PNLDC1: variants seen among roughly 807,000 people sequenced by gnomAD.
PNLDC1 encodes poly(A)-specific ribonuclease PNLDC1.
PNLDC1 carries 70 observed loss-of-function variants against 82.0 expected under a neutral mutation model. The ratio of observed to expected loss-of-function variants is 0.85; its 90% CI spans 0.70 to 1.04. The LOEUF is 1.04. Ranked by LOEUF, PNLDC1 falls within the 50% of genes least tolerant of loss-of-function variation. The probability of loss-of-function intolerance (pLI) is 0.00; values close to 1 mark genes in which losing one functional copy is unlikely to be tolerated. For missense variants in PNLDC1, 631 were observed against 661.1 expected (o/e 0.95, Z 0.50); for synonymous variants, 280 against 249.3 (o/e 1.12, Z -1.16).
chr6:159,813,618 G>C lies in PNLDC1; in HGVS notation c.957G>C (p.Arg319Ser). The change falls in exon 12 of 19, where the codon AGG (arginine) becomes AGC (serine). Residue 319 changes from arginine to serine, a missense_variant. Transcript: ENST00000392167. Reference sequence around the variant, plus strand: ...GATTGTAGGAGATGAATTTCCCGAGGGTGTCGAATCTTTCGGAAGTCTATG... The same window carrying C: ...GATTGTAGGAGATGAATTTCCCGAGCGTGTCGAATCTTTCGGAAGTCTATG... ...KDIWKEMNFP[R>S]VSNLSEVYEV... 1 of 1,613,484 alleles carries C rather than the reference G, an allele frequency of 6.2e-7. No homozygotes were observed. Among genetic ancestry groups the C allele is most frequent in the South Asian group, 1.1e-5 (1 of 91,056 alleles).
At chr6:159,802,734 C>T (rs1781307390) in intron 3 of PNLDC1, among the ~76,000 whole-genome samples, 2 of 152,082 alleles carry the variant, frequency 1.3e-5, no homozygotes, top group South Asian at 4.1e-4. Flanking sequence ...AGGTGCGCGC[C>T]ACCACACCTA....
At position 159,800,954 on chromosome 6, in the gene PNLDC1, A is replaced by T. The variant is rs1339037672; in HGVS notation, c.134+125A>T. Reference sequence around the variant, plus strand: ...GTGGCTTGCTCCTACGTGTTGGAGGACCTTGCTTTTTTCTGTCCACTAAAT... The same window carrying T: ...GTGGCTTGCTCCTACGTGTTGGAGGTCCTTGCTTTTTTCTGTCCACTAAAT... On this transcript the variant is annotated intron_variant, in intron 2 of 18. Coordinates refer to ENST00000392167, the MANE Select transcript of PNLDC1 (RefSeq NM_001271862.2). 2.7e-6 allele frequency: 4 copies of T among 1,457,628 alleles called. No homozygotes were observed. In the African/African-American group the frequency reaches 6.1e-5, roughly 22 times the overall value. 90.3% of individuals were successfully genotyped at this position (1,457,628 alleles called of 1,614,324 possible).
Position 159,803,741 on chromosome 6 carries a change from G to T in PNLDC1, c.249-224G>T, listed in dbSNP as rs937888977. ...CTAACCTGGCATCCCTGGGCAGCTT[G>T]TGGAGGGGCTGTCTCTGTGGTATAC... is the stretch of plus-strand genomic sequence containing the variant. On this transcript the variant is annotated intron_variant, in intron 4 of 18. Transcript: ENST00000392167. Among the ~76,000 whole-genome samples the T allele has an allele frequency of 2.6e-5, 4 of 152,154 alleles. No individual in the cohort carries two copies. In the South Asian group the frequency reaches 8.3e-4, roughly 32 times the overall value.
chr6:159,818,530 G>A, intron 15 of PNLDC1, 25 bp from the exon 16 acceptor site: 1 of 1,604,724 alleles, frequency 6.2e-7, no homozygotes, highest in Non-Finnish European at 8.5e-7. Context: ...GCGCCCGACA[G>A]CTTTGGGGTT....
intron 10 of PNLDC1, among the ~76,000 whole-genome samples, chr6:159,810,645 T>C (rs544590355): frequency 6.6e-6 from 1 of 152,302 alleles, no homozygotes; most frequent in South Asian, 2.1e-4. Context: ...GCCTTGGTGA[T>C]CTCATCCATC....
In PNLDC1 at chr6:159,820,464, A is replaced by G. The variant is rs769247841; in HGVS notation, c.1543A>G (p.Ile515Val). Reference protein sequence around the residue: ...NVNCLLQVCGIVTAWALLAFI... With the variant: ...NVNCLLQVCGVVTAWALLAFI... ...GTCATTGTCTTGCAGAGTCTGTGGCATAGTGACTGCCTGGGCCCTTCTCGC... is the reference window on the plus strand; with the variant it reads ...GTCATTGTCTTGCAGAGTCTGTGGCGTAGTGACTGCCTGGGCCCTTCTCGC... The change falls in exon 19 of 19, where the codon ATA (isoleucine) becomes GTA (valine). Residue 515 changes from isoleucine to valine, a missense_variant. By Grantham distance (29) the Ile-to-Val change is conservative. Coordinates refer to ENST00000392167, the MANE Select transcript of PNLDC1 (RefSeq NM_001271862.2). 4.3e-6 allele frequency: 7 copies of G among 1,614,058 alleles called. No individual in the cohort carries two copies. The African/African-American group carries it at 6.7e-5, about 15-fold the overall frequency.
rs758891312 is a variant in PNLDC1 at position 159,810,017 on chromosome 6, T to TC, written c.784-7dup. On this transcript the variant is annotated splice_polypyrimidine_tract_variant and intron_variant, in intron 9 of 18. Transcript: ENST00000392167. Reference sequence around the variant, plus strand: ...TATTTTCTCTCACCTGTTGATTTACTCCAAGTAGCCCTTAGTGGGACATAA... The same window carrying TC: ...TATTTTCTCTCACCTGTTGATTTACTCCCAAGTAGCCCTTAGTGGGACATAA... 1.2e-6 allele frequency: 2 copies of TC among 1,611,800 alleles called. No individual in the cohort carries two copies. The highest frequency in any genetic ancestry group is 2.7e-5 in the African/African-American group (2 of 74,854).
chr6:159,810,273 G>A (rs1781603350), intron 10 of PNLDC1, among the ~76,000 whole-genome samples, 178 bp downstream of exon 10: 1 of 152,202 alleles, frequency 6.6e-6, no homozygotes, highest in African/African-American at 2.4e-5. Context: ...TCTCCCCAGA[G>A]TGGAAAACCA....
chr6:159,803,916 GT>G, intron 4 of PNLDC1, 48 bp from the exon 5 acceptor site: 4 of 1,575,016 alleles, frequency 2.5e-6, no homozygotes, highest in Non-Finnish European at 3.4e-6. Flanking sequence ...GGGAGCCAGA[GT>G]TTTTTAAATG....
chr6:159,804,247 C>T (rs532244997), intron 5 of PNLDC1, among the ~76,000 whole-genome samples, 159 bp downstream of exon 5: 4 of 152,152 alleles, frequency 2.6e-5, no homozygotes, highest in South Asian at 4.1e-4. Flanking sequence ...ATTACAGGCA[C>T]CCGCCACCAT....
chr6:159,801,054 G>GC, intron 2 of PNLDC1, 59 bp from the exon 3 acceptor site: 1 of 1,573,574 alleles, frequency 6.4e-7, no homozygotes, highest in South Asian at 1.1e-5. Context: ...TGCCGCGGAG[G>GC]CCATAGTGCC....
intron 6 of PNLDC1, among the ~76,000 whole-genome samples, chr6:159,805,441 C>T (rs1781412508): frequency 6.6e-6 from 1 of 152,152 alleles, no homozygotes; most frequent in Admixed American, 6.5e-5. Flanking sequence ...GAATTTTTGT[C>T]TCTTTGTATT....
In PNLDC1 at chr6:159,820,703, T is replaced by A. The variant is rs1782012134; in HGVS notation, c.*186T>A. The A allele has an allele frequency of 1.6e-6, 1 of 611,814 alleles. No individual in the cohort carries two copies. Among genetic ancestry groups the A allele is most frequent in the Non-Finnish European group, 2.9e-6 (1 of 344,324 alleles). 37.9% of individuals were successfully genotyped at this position (611,814 alleles called of 1,614,324 possible). ...ATGATAAATCAGTCCTTAGATATCGTACCTGTATGTGTGGTCAGAACTTTT... is the reference window on the plus strand; with the variant it reads ...ATGATAAATCAGTCCTTAGATATCGAACCTGTATGTGTGGTCAGAACTTTT... On this transcript the variant is annotated 3_prime_UTR_variant, in exon 19 of 19. Transcript: ENST00000392167.
At chr6:159,804,343 A>G (rs1277070055) in intron 5 of PNLDC1, among the ~76,000 whole-genome samples, 3 of 152,182 alleles carry the variant, frequency 2.0e-5, no homozygotes, top group Admixed American at 6.5e-5. Context: ...GCCTCAGGCA[A>G]TCCACCTGCC....
intron 3 of PNLDC1, among the ~76,000 whole-genome samples, chr6:159,801,479 C>A (rs900537393): frequency 1.3e-5 from 2 of 152,182 alleles, no homozygotes; most frequent in African/African-American, 4.8e-5. Flanking sequence ...CAGGGTCTTG[C>A]TCTGTCACCA....
chr6:159,805,142 G>T (rs947783668), intron 6 of PNLDC1, among the ~76,000 whole-genome samples: 2 of 152,160 alleles, frequency 1.3e-5, no homozygotes, highest in South Asian at 2.1e-4. Flanking sequence ...CCCTAGGCCG[G>T]GACCTCTGCC....
intron 10 of PNLDC1, among the ~76,000 whole-genome samples, chr6:159,811,109 G>A (rs1186253285): frequency 2.0e-5 from 3 of 152,218 alleles, no homozygotes; most frequent in Non-Finnish European, 2.9e-5. Context: ...ATGCATGTGC[G>A]AGAGAGATGG....
At position 159,819,468 on chromosome 6, in the gene PNLDC1, G is replaced by T. The variant is rs1444097319; in HGVS notation, c.1532+116G>T. 4 of 905,106 alleles carry T rather than the reference G, an allele frequency of 4.4e-6. No homozygotes were observed. The Admixed American group carries it at 9.5e-5, about 22-fold the overall frequency. The allele number at this position is 905,106 out of a possible 1,614,324, so 56.1% of individuals were successfully genotyped here. A position where few individuals can be genotyped will look rare whatever the true frequency, so the allele number is the denominator to read the frequency against. The stretch of plus-strand genomic sequence containing the variant: ...TCACTTGCTGGTGTGTGTTGCCAAG[G>T]GGGTTGTGTTGACGAGTGTGGTGCC... On this transcript the variant is annotated intron_variant, in intron 18 of 18. Transcript: ENST00000392167. The surrounding 1 kb of genome is among the most constrained non-coding windows in gnomAD (Gnocchi z 4.6).
intron 11 of PNLDC1, 128 bp downstream of exon 11, chr6:159,811,914 GT>G (rs1355662441): frequency 1.5e-6 from 1 of 653,312 alleles, no homozygotes; most frequent in African/African-American, 2.0e-5. Flanking sequence ...GTTTTGTTTT[GT>G]TTGAGAGGGA....
Sources: gnomAD v4.1 joint callset for allele counts (sites outside exome capture counted in the v4.1 genomes callset) on GRCh38, gnomAD v4.1.1 for gene constraint, Gnocchi (gnomAD v3.1) non-coding constraint, MANE v1.5 for transcripts, NCBI Gene and HGNC (gene_info 2026-07-23, HGNC 2026-07-21) for gene names.